The following NDST4 variants were observed in gnomAD, a reference collection of about 807,000 sequenced individuals.
NDST4 encodes N-deacetylase and N-sulfotransferase 4.
A neutral mutation model predicts 100.8 loss-of-function variants in NDST4; 63 were observed. The ratio of observed to expected loss-of-function variants is 0.62; its 90% CI spans 0.51 to 0.77. The LOEUF (loss-of-function observed/expected upper bound fraction) is 0.77. Among genes scored for constraint, NDST4 ranks in the 30% least tolerant of loss-of-function variants. NDST4 has a pLI of 0.00. For synonymous variants in NDST4, 377 were observed against 361.8 expected (o/e 1.04, Z -0.48); for missense variants, 943 against 1,018.4 (o/e 0.93, Z 1.01).
intron 2 of NDST4, among the ~76,000 whole-genome samples, chr4:115,000,699 C>T (rs1342281742): frequency 1.3e-5 from 2 of 152,120 alleles, no homozygotes; most frequent in East Asian, 1.9e-4. Context: ...CTGTTGAAAA[C>T]CTTTCTGTCC....
chr4:114,935,197 A>G lies in NDST4; in HGVS notation c.1536+9T>C. On this transcript the variant is annotated intron_variant, in intron 6 of 13. Transcript: ENST00000264363. ...ATCTTATTGTAAGGTGCATACATAGAATACATACTGGGTTTAGAAGGATTG... is the reference window on the plus strand; with the variant it reads ...ATCTTATTGTAAGGTGCATACATAGGATACATACTGGGTTTAGAAGGATTG... The G allele has an allele frequency of 1.3e-6, 2 of 1,592,646 alleles. No homozygotes were observed. Among genetic ancestry groups the G allele is most frequent in the Non-Finnish European group, 1.7e-6 (2 of 1,171,058 alleles).
intron 2 of NDST4, among the ~76,000 whole-genome samples, chr4:115,063,608 T>C (rs1374016705): frequency 6.6e-6 from 1 of 151,516 alleles, no homozygotes; most frequent in Non-Finnish European, 1.5e-5. Context: ...AGGAACACAG[T>C]GGCTTTAGCT....
At chr4:115,001,513 T>G (rs924024260) in intron 2 of NDST4, among the ~76,000 whole-genome samples, 7 of 151,986 alleles carry the variant, frequency 4.6e-5, no homozygotes, top group African/African-American at 1.7e-4. Flanking sequence ...TCTTGTGACT[T>G]CCAATCAACT....
rs551371332 is a variant in NDST4, at chr4:114,893,309, G to T, written c.1537-22359C>A. On this transcript the variant is annotated intron_variant, in intron 6 of 13. Coordinates refer to ENST00000264363, the MANE Select transcript of NDST4 (RefSeq NM_022569.3). ...GGTATTTCTGGTTCTAGATCCTTGAGGAATCGCCATACTGTCTTCCACAAT... is the reference window on the plus strand; with the variant it reads ...GGTATTTCTGGTTCTAGATCCTTGATGAATCGCCATACTGTCTTCCACAAT... Among the ~76,000 whole-genome samples the T allele has an allele frequency of 3.9e-5, 6 of 152,254 alleles. No homozygotes were observed. In the East Asian group the frequency reaches 1.2e-3, roughly 29 times the overall value.
At chr4:114,891,255 T>A (rs1002860331) in intron 6 of NDST4, among the ~76,000 whole-genome samples, 6 of 152,112 alleles carry the variant, frequency 3.9e-5, no homozygotes, top group Non-Finnish European at 8.8e-5. Flanking sequence ...TTTATTTTTT[T>A]ATACAATATC....
At chr4:115,079,408 A>G (rs1279628481) in intron 1 of NDST4, among the ~76,000 whole-genome samples, 1 of 151,746 alleles carries the variant, frequency 6.6e-6, no homozygotes, top group Non-Finnish European at 1.5e-5. Flanking sequence ...TCACGAATGG[A>G]CATAATTTTC....
intron 2 of NDST4, among the ~76,000 whole-genome samples, chr4:115,061,958 T>G (rs1728833760): frequency 6.6e-6 from 1 of 151,866 alleles, no homozygotes; most frequent in Middle Eastern, 3.4e-3. Flanking sequence ...TAGGAAGACA[T>G]GGAAAGAATA....
At chr4:114,948,138 A>T (rs1578407460) in intron 4 of NDST4, among the ~76,000 whole-genome samples, 1 of 152,196 alleles carries the variant, frequency 6.6e-6, no homozygotes, top group East Asian at 1.9e-4. Context: ...GGATTTTTTT[A>T]AATATTATTT....
intron 11 of NDST4, among the ~76,000 whole-genome samples, chr4:114,838,003 G>A (rs924115846): frequency 5.3e-5 from 8 of 152,132 alleles, no homozygotes; most frequent in Admixed American, 5.2e-4. Context: ...TCAAGAAGTA[G>A]GCAAAGTATA....
chr4:115,005,470 G>C (rs907172050), intron 2 of NDST4, among the ~76,000 whole-genome samples: 2 of 152,094 alleles, frequency 1.3e-5, no homozygotes, highest in Non-Finnish European at 2.9e-5. Flanking sequence ...AATATCTTGG[G>C]AAGAAAGCAT....
intron 2 of NDST4, among the ~76,000 whole-genome samples, chr4:114,991,219 T>C (rs1442142264): frequency 6.6e-6 from 1 of 151,920 alleles, no homozygotes; most frequent in East Asian, 1.9e-4. Context: ...TTAAGACAAA[T>C]GAGAATAATA....
intron 2 of NDST4, among the ~76,000 whole-genome samples, chr4:114,997,449 A>G (rs1379927531): frequency 6.6e-6 from 1 of 152,116 alleles, no homozygotes; most frequent in Non-Finnish European, 1.5e-5. Flanking sequence ...AGCTCTAAGG[A>G]GTATGAAACT....
At chr4:114,975,676 G>C (rs1052114473) in intron 3 of NDST4, among the ~76,000 whole-genome samples, 1 of 152,102 alleles carries the variant, frequency 6.6e-6, no homozygotes, top group Non-Finnish European at 1.5e-5. Flanking sequence ...CAGTTATCCA[G>C]ATATACTTCA....
At chr4:114,883,761 G>A (rs1044661982) in intron 6 of NDST4, among the ~76,000 whole-genome samples, 1 of 152,092 alleles carries the variant, frequency 6.6e-6, no homozygotes, top group African/African-American at 2.4e-5. Flanking sequence ...GTAGGGGGAA[G>A]TAGGGAATGG....
chr4:114,943,858 G>C (rs6830598), intron 4 of NDST4, among the ~76,000 whole-genome samples: 45,716 of 151,878 alleles, frequency 0.3, 9,260 homozygotes, highest in African/African-American at 0.56. Flanking sequence ...GATGAGTTAA[G>C]AATTCCTCTG....
intron 2 of NDST4, among the ~76,000 whole-genome samples, chr4:115,022,480 A>C (rs1727877205): frequency 7.3e-6 from 1 of 136,956 alleles, no homozygotes; most frequent in African/African-American, 2.7e-5. Flanking sequence ...TATGTGTTCC[A>C]TATATATGTT....
At chr4:114,946,119 A>G (rs960073724) in intron 4 of NDST4, among the ~76,000 whole-genome samples, 2 of 152,190 alleles carry the variant, frequency 1.3e-5, no homozygotes, top group African/African-American at 4.8e-5. Context: ...GGACTAATGG[A>G]AAAACCAGCA....
rs1476321725 is a variant in NDST4, at chr4:114,935,286, T to C, written c.1456A>G (p.Lys486Glu). Residue 486 changes from lysine to glutamate, a missense_variant, in exon 6 of 14, where the codon AAA (lysine) becomes GAA (glutamate). Coordinates refer to ENST00000264363, the MANE Select transcript of NDST4 (RefSeq NM_022569.3). ...CGLFTHTIFYKEYPGGPQELD... is the reference protein window; with the variant it reads ...CGLFTHTIFYEEYPGGPQELD... ...TCTTGGGGTCCTCCTGGATATTCTT[T>C]GTAGAAAATAGTGTGAGTGAACAAC... 2 of 1,610,874 alleles carry C rather than the reference T, an allele frequency of 1.2e-6. No homozygotes were observed. The highest frequency in any genetic ancestry group is 1.7e-6 in the Non-Finnish European group (2 of 1,178,594).
intron 2 of NDST4, among the ~76,000 whole-genome samples, chr4:115,054,569 A>T (rs1229794840): frequency 6.6e-6 from 1 of 152,188 alleles, no homozygotes; most frequent in Non-Finnish European, 1.5e-5. Context: ...AGATTTTAAC[A>T]TATATAAGAC....
Sources: allele counts gnomAD v4.1 joint callset (sites outside exome capture counted in the v4.1 genomes callset), GRCh38; gene constraint gnomAD v4.1.1; transcripts MANE v1.5; gene names NCBI Gene and HGNC (gene_info 2026-07-23, HGNC 2026-07-21).